The following RALYL variants were observed in gnomAD, a reference collection of about 807,000 sequenced individuals.
RALYL encodes the protein RALY RNA binding protein like, also known as RNA-binding Raly-like protein.
RALYL carries 29 observed loss-of-function variants against 35.1 expected under a neutral mutation model. That is an observed-to-expected ratio of 0.83 (90% confidence interval 0.61 to 1.13). The LOEUF is 1.13. Ranked by LOEUF, RALYL falls within the 50% of genes most tolerant of loss-of-function variation. RALYL has a pLI of 0.00. For missense variants in RALYL, 359 were observed against 360.4 expected (o/e 1.00, Z 0.03); for synonymous variants, 120 against 127.6 (o/e 0.94, Z 0.40).
chr8:84,637,802 G>C (rs977027264), intron 2 of RALYL, among the ~76,000 whole-genome samples: 16 of 151,752 alleles, frequency 1.1e-4, no homozygotes, highest in Non-Finnish European at 1.6e-4. Flanking sequence ...CTCCATGCAT[G>C]GTCTGTTTCA....
chr8:84,598,900 A>G (rs187945837), intron 2 of RALYL, among the ~76,000 whole-genome samples: 78 of 152,204 alleles, frequency 5.1e-4, no homozygotes, highest in African/African-American at 1.6e-3. Context: ...GCTGTTTTCA[A>G]TAGTGGTTCT....
chr8:84,685,648 C>T (rs775819024), intron 2 of RALYL, among the ~76,000 whole-genome samples: 6 of 152,084 alleles, frequency 3.9e-5, no homozygotes, highest in Non-Finnish European at 7.3e-5. Context: ...AATTATCACA[C>T]CATGTAGAAT....
intron 2 of RALYL, among the ~76,000 whole-genome samples, chr8:84,669,341 G>A (rs1324080787): frequency 6.6e-6 from 1 of 152,074 alleles, no homozygotes; most frequent in East Asian, 1.9e-4. Context: ...ACACCCATGT[G>A]CTTCTGAGCA....
At chr8:84,647,728 G>A (rs1353095361) in intron 2 of RALYL, among the ~76,000 whole-genome samples, 3 of 151,996 alleles carry the variant, frequency 2.0e-5, no homozygotes, top group Admixed American at 1.3e-4. Flanking sequence ...AGATACACAA[G>A]AAACAATATG....
intron 1 of RALYL, among the ~76,000 whole-genome samples, chr8:84,204,976 T>A (rs1450059924): frequency 6.6e-6 from 1 of 152,170 alleles, no homozygotes; most frequent in Non-Finnish European, 1.5e-5. Flanking sequence ...CTATGCTTCT[T>A]GCCCAGGATG....
intron 2 of RALYL, among the ~76,000 whole-genome samples, chr8:84,636,844 A>AT (rs1825171931): frequency 6.6e-6 from 1 of 151,908 alleles, no homozygotes; most frequent in African/African-American, 2.4e-5. Flanking sequence ...ACATCTTTAA[A>AT]TCTGTTTATG....
At chr8:84,905,894 T>C (rs1398310442) in intron 8 of RALYL, among the ~76,000 whole-genome samples, 2 of 152,070 alleles carry the variant, frequency 1.3e-5, no homozygotes, top group East Asian at 3.9e-4. Context: ...ATAAGAACAC[T>C]GGAACCTTTA....
intron 1 of RALYL, among the ~76,000 whole-genome samples, chr8:84,441,325 T>A (rs936497655): frequency 3.7e-4 from 57 of 152,244 alleles, no homozygotes; most frequent in Non-Finnish European, 4.3e-4. Context: ...AAGTTGTTCA[T>A]AATTTGTCAA....
chr8:84,849,416 G>T (rs1835346684), intron 4 of RALYL, among the ~76,000 whole-genome samples: 1 of 151,962 alleles, frequency 6.6e-6, no homozygotes. Context: ...AATACCTTTT[G>T]TTCATTATGT....
At chr8:84,230,573 G>T (rs146200912) in intron 1 of RALYL, among the ~76,000 whole-genome samples, 93 of 152,170 alleles carry the variant, frequency 6.1e-4, no homozygotes, top group African/African-American at 2.1e-3. Flanking sequence ...TTACTCTCTA[G>T]TTATTCTCCT....
chr8:84,679,166 C>T, intron 2 of RALYL: 1 of 187,790 alleles, frequency 5.3e-6, no homozygotes, highest in Non-Finnish European at 1.1e-5. Context: ...AAGTTTATGG[C>T]AGACCTCAGT....
At chr8:84,322,065 C>T (rs1844950948) in intron 1 of RALYL, among the ~76,000 whole-genome samples, 1 of 152,038 alleles carries the variant, frequency 6.6e-6, no homozygotes, top group South Asian at 2.1e-4. Context: ...GACAAAATCA[C>T]TATTATAATT....
intron 2 of RALYL, among the ~76,000 whole-genome samples, chr8:84,535,732 C>T (rs1211287386): frequency 1.3e-5 from 2 of 151,666 alleles, no homozygotes; most frequent in Non-Finnish European, 2.9e-5. Context: ...CCTCGGCCTC[C>T]CAAAGTGCTG....
intron 2 of RALYL, among the ~76,000 whole-genome samples, chr8:84,538,871 G>A (rs921024649): frequency 2.0e-5 from 3 of 152,144 alleles, no homozygotes; most frequent in Admixed American, 1.3e-4. Context: ...AAGTGCTACC[G>A]GAATTTTAAA....
chr8:84,313,054 T>C (rs1269782276), intron 1 of RALYL, among the ~76,000 whole-genome samples: 1 of 152,220 alleles, frequency 6.6e-6, no homozygotes, highest in Non-Finnish European at 1.5e-5. Flanking sequence ...TCACCTCTTG[T>C]CTTCTGCACA....
chr8:84,536,423 T>C (rs1195240005), intron 2 of RALYL, among the ~76,000 whole-genome samples: 1 of 152,204 alleles, frequency 6.6e-6, no homozygotes, highest in African/African-American at 2.4e-5. Flanking sequence ...TTACCAAGCA[T>C]CCATCCTATT....
intron 1 of RALYL, among the ~76,000 whole-genome samples, chr8:84,440,316 C>T (rs2048197709): frequency 6.6e-6 from 1 of 151,968 alleles, no homozygotes; most frequent in South Asian, 2.1e-4. Context: ...TTTGGCATGT[C>T]CCTAACTTTG....
intron 1 of RALYL, among the ~76,000 whole-genome samples, chr8:84,425,413 C>A (rs1224546479): frequency 6.6e-6 from 1 of 152,190 alleles, no homozygotes; most frequent in Admixed American, 6.5e-5. Context: ...TCGGCTCGCG[C>A]ACGGTGCGCT....
intron 2 of RALYL, among the ~76,000 whole-genome samples, chr8:84,651,667 G>A: frequency 6.6e-6 from 1 of 152,024 alleles, no homozygotes; most frequent in East Asian, 1.9e-4. Flanking sequence ...AAAAGTTAAG[G>A]TGCTGATCAA....
Sources: allele counts gnomAD v4.1 joint callset (sites outside exome capture counted in the v4.1 genomes callset), GRCh38; gene constraint gnomAD v4.1.1; transcripts MANE v1.5; gene names NCBI Gene and HGNC (gene_info 2026-07-23, HGNC 2026-07-21).